Variants in WDFY4 observed in about 807,000 individuals in gnomAD.
WDFY4 encodes WDFY family member 4.
Under a neutral mutation model 351.9 loss-of-function variants are expected in WDFY4, and 169 were observed. That is an observed-to-expected ratio of 0.48 (90% confidence interval 0.42 to 0.55). The LOEUF (loss-of-function observed/expected upper bound fraction) is 0.55. WDFY4 is among the 20% of genes least tolerant of loss of function. WDFY4 has a pLI of 0.00. For missense variants in WDFY4, 3,803 were observed against 3,935.6 expected (o/e 0.97, Z 0.90); for synonymous variants, 1,622 against 1,574.6 (o/e 1.03, Z -0.71).
chr10:48,811,460 T>C, intron 29 of WDFY4, 79 bp from the exon 30 acceptor site: 1 of 1,317,432 alleles, frequency 7.6e-7, no homozygotes, highest in Non-Finnish European at 1.0e-6. Flanking sequence ...TGGCCGGGTG[T>C]TCCTTTGTGT....
At chr10:48,910,536 A>G (rs927456694) in intron 47 of WDFY4, among the ~76,000 whole-genome samples, 6 of 152,194 alleles carry the variant, frequency 3.9e-5, no homozygotes. Flanking sequence ...TTGGCAGAAA[A>G]AGAAATAGAA....
intron 47 of WDFY4, among the ~76,000 whole-genome samples, chr10:48,911,543 G>A (rs2133475854): frequency 6.6e-6 from 1 of 152,290 alleles, no homozygotes; most frequent in Non-Finnish European, 1.5e-5. Context: ...GTAACTTATA[G>A]TTATGTATAT....
intron 43 of WDFY4, among the ~76,000 whole-genome samples, chr10:48,883,600 A>G (rs2070342407): frequency 6.6e-6 from 1 of 152,210 alleles, no homozygotes; most frequent in South Asian, 2.1e-4. Flanking sequence ...GCATGCTCCT[A>G]CAACAGAGTC....
chr10:48,980,912 T>C (rs1842778578), intron 60 of WDFY4, among the ~76,000 whole-genome samples: 2 of 152,242 alleles, frequency 1.3e-5, no homozygotes, highest in South Asian at 4.1e-4. Flanking sequence ...ATTCTCAGCA[T>C]TTAATTACTG....
In WDFY4 at chr10:48,777,438, C is replaced by G. The variant is rs1277951615; in HGVS notation, c.3118C>G (p.Leu1040Val). The change falls in exon 17 of 62, where the codon CTG becomes GTG. Residue 1040 changes from leucine to valine, a missense_variant. By Grantham distance (32) the Leu-to-Val change is conservative. Coordinates refer to ENST00000325239, the MANE Select transcript of WDFY4 (RefSeq NM_001394531.1). ...TTCCAGCTGTTTGTTTATTCCAACC[C>G]TGTCCACAGTTATGGGAACCAGCAC... is the stretch of plus-strand genomic sequence containing the variant. Reference protein sequence around the residue: ...EGYGCLFIPTLSTVMGTSTEY... With the variant: ...EGYGCLFIPTVSTVMGTSTEY... 6.4e-7 allele frequency: 1 copy of G among 1,551,748 alleles called. No individual in the cohort carries two copies. Among genetic ancestry groups the G allele is most frequent in the Non-Finnish European group, 8.7e-7 (1 of 1,147,012 alleles).
intron 11 of WDFY4, 146 bp downstream of exon 11, chr10:48,736,216 T>C (rs2064661162): frequency 1.1e-6 from 1 of 889,432 alleles, no homozygotes; most frequent in Non-Finnish European, 1.8e-6. Context: ...TCAGGTGCTG[T>C]AACAAATAAA....
chr10:48,830,270 T>C (rs2068144626), intron 37 of WDFY4, among the ~76,000 whole-genome samples: 1 of 152,206 alleles, frequency 6.6e-6, no homozygotes, highest in African/African-American at 2.4e-5. Flanking sequence ...GAGCTTGGTG[T>C]CCATTCCCCT....
chr10:48,863,283 A>G (rs2069409405), intron 39 of WDFY4, among the ~76,000 whole-genome samples: 1 of 152,216 alleles, frequency 6.6e-6, no homozygotes, highest in Non-Finnish European at 1.5e-5. Context: ...GTTTTCCAAA[A>G]TTCTACACCA....
At chr10:48,951,661 T>C (rs1201387422) in intron 51 of WDFY4, among the ~76,000 whole-genome samples, 1 of 152,182 alleles carries the variant, frequency 6.6e-6, no homozygotes, top group Non-Finnish European at 1.5e-5. Context: ...AGACGGGGTC[T>C]TATTATGTTG....
At chr10:48,941,402 A>G (rs561763420) in intron 47 of WDFY4, among the ~76,000 whole-genome samples, 2 of 152,278 alleles carry the variant, frequency 1.3e-5, no homozygotes, top group East Asian at 3.9e-4. Context: ...GCCATATCTC[A>G]TGGCCTTCCA....
At chr10:48,959,172 G>T (rs1841742758) in intron 52 of WDFY4, among the ~76,000 whole-genome samples, 3 of 152,172 alleles carry the variant, frequency 2.0e-5, no homozygotes, top group Non-Finnish European at 2.9e-5. Context: ...CTTGGGTTGA[G>T]TCCAGCCTCC....
intron 56 of WDFY4, 126 bp from the exon 57 acceptor site, chr10:48,970,005 C>T: frequency 8.4e-7 from 1 of 1,192,700 alleles, no homozygotes. Flanking sequence ...AGAACTGGCT[C>T]CTGAACACAT....
intron 51 of WDFY4, among the ~76,000 whole-genome samples, chr10:48,952,237 C>T (rs1222356089): frequency 6.6e-6 from 1 of 152,156 alleles, no homozygotes; most frequent in Non-Finnish European, 1.5e-5. Flanking sequence ...TTGCTGCCTG[C>T]AGCTCAGCCC....
At chr10:48,771,091 G>T (rs1420681750) in intron 13 of WDFY4, among the ~76,000 whole-genome samples, 1 of 152,226 alleles carries the variant, frequency 6.6e-6, no homozygotes, top group East Asian at 1.9e-4. Flanking sequence ...GAGCTACAGG[G>T]CCCATGTGTT....
intron 58 of WDFY4, among the ~76,000 whole-genome samples, chr10:48,976,299 C>T (rs1018039539): frequency 1.3e-5 from 2 of 152,238 alleles, no homozygotes; most frequent in African/African-American, 4.8e-5. Flanking sequence ...TCAGGAGATA[C>T]AATGGGGAAA....
At chr10:48,927,028 GAGAGGC>G (rs1839628317) in intron 47 of WDFY4, among the ~76,000 whole-genome samples, 1 of 152,240 alleles carries the variant, frequency 6.6e-6, no homozygotes, top group Non-Finnish European at 1.5e-5. Context: ...GTTCTCACCA[GAGAGGC>G]AGTGACCTCT....
At chr10:48,901,971 G>C (rs1189211663) in intron 47 of WDFY4, 108 bp downstream of exon 47, 1 of 968,370 alleles carries the variant, frequency 1.0e-6, no homozygotes, top group Non-Finnish European at 1.6e-6. Flanking sequence ...ATGCCCAACA[G>C]TTTCCCTCAT....
chr10:48,848,279 C>A (rs1054580010), intron 39 of WDFY4, among the ~76,000 whole-genome samples: 3 of 152,320 alleles, frequency 2.0e-5, no homozygotes, highest in South Asian at 4.1e-4. Flanking sequence ...ATTTCATCTC[C>A]TGGTGTTCTC....
At chr10:48,770,934 AATGCAGCCTGGGAAGGATGTCCC>A (rs1207852934) in intron 13 of WDFY4, among the ~76,000 whole-genome samples, 1 of 152,196 alleles carries the variant, frequency 6.6e-6, no homozygotes, top group Non-Finnish European at 1.5e-5. Context: ...AGAATGGCAA[AATGCAGCCTGGGAAGGATGTCCC>A]CCTGGAAAGT....
Sources: gnomAD v4.1 joint callset for allele counts (sites outside exome capture counted in the v4.1 genomes callset) on GRCh38, gnomAD v4.1.1 for gene constraint, MANE v1.5 for transcripts, NCBI Gene and HGNC (gene_info 2026-07-23, HGNC 2026-07-21) for gene names.